HBS1L: variants seen among roughly 807,000 people sequenced by gnomAD.
The protein encoded by HBS1L is HBS1 like translational GTPase.
A neutral mutation model predicts 88.9 loss-of-function variants in HBS1L; 55 were observed. That is an observed-to-expected ratio of 0.62 (90% CI 0.50 to 0.77). The LOEUF is 0.77. Ranked by LOEUF, HBS1L falls within the 30% of genes least tolerant of loss-of-function variation. HBS1L has a pLI of 0.00. For synonymous variants in HBS1L, 267 were observed against 288.5 expected (o/e 0.93, Z 0.76); for missense variants, 741 against 829.3 (o/e 0.89, Z 1.31).
intron 5 of HBS1L, among the ~76,000 whole-genome samples, chr6:135,000,117 G>A (rs1775407979): frequency 1.3e-5 from 2 of 151,810 alleles, no homozygotes; most frequent in African/African-American, 4.8e-5. Flanking sequence ...GGAGCGCAGT[G>A]GTACAATATT....
intron 4 of HBS1L, among the ~76,000 whole-genome samples, chr6:135,003,620 C>A (rs1223204469): frequency 6.7e-6 from 1 of 150,160 alleles, no homozygotes; most frequent in Non-Finnish European, 1.5e-5. Context: ...GTAATCCCAG[C>A]ACTTTGGGAA....
At chr6:135,010,255 C>T (rs545498404) in intron 4 of HBS1L, among the ~76,000 whole-genome samples, 2 of 152,194 alleles carry the variant, frequency 1.3e-5, no homozygotes, top group East Asian at 1.9e-4. Flanking sequence ...ACCTAGTCAT[C>T]GGATATTTCA....
intron 4 of HBS1L, chr6:135,036,499 T>G (rs984001225): frequency 1.4e-6 from 2 of 1,402,258 alleles, no homozygotes; most frequent in Non-Finnish European, 1.9e-6. Context: ...AGTGATCCTC[T>G]GAAGACTTTA....
intron 2 of HBS1L, among the ~76,000 whole-genome samples, chr6:135,047,774 T>C (rs1331053914): frequency 6.6e-6 from 1 of 152,236 alleles, no homozygotes; most frequent in South Asian, 2.1e-4. Flanking sequence ...CTCAGTTCTA[T>C]ATGCCATGCT....
chr6:134,964,954 A>G lies in HBS1L; in HGVS notation c.*325T>C. 1 of 347,706 alleles carries G rather than the reference A, an allele frequency of 2.9e-6. No homozygotes were observed. Among genetic ancestry groups the G allele is most frequent in the Non-Finnish European group, 5.3e-6 (1 of 190,406 alleles). The allele number at this position is 347,706 out of a possible 1,614,324, so 21.5% of individuals were successfully genotyped here. Reference sequence around the variant, plus strand: ...ACTGCAAATACATTGTGCTTTGGCCAGAAGTAGAGTTCATTTCATGATGAT... The same window carrying G: ...ACTGCAAATACATTGTGCTTTGGCCGGAAGTAGAGTTCATTTCATGATGAT... On this transcript the variant is annotated 3_prime_UTR_variant, in exon 18 of 18. Coordinates refer to ENST00000367837, the MANE Select transcript of HBS1L (RefSeq NM_006620.4).
chr6:134,966,205 AAG>A, intron 17 of HBS1L, 122 bp downstream of exon 17: 1 of 783,568 alleles, frequency 1.3e-6, no homozygotes, highest in Non-Finnish European at 1.9e-6. Context: ...TAAAATGAGT[AAG>A]GCTTCTCCTA....
In HBS1L at chr6:134,993,834, G is replaced by A. The variant is rs747448754; in HGVS notation, c.1007C>T (p.Thr336Ile). ...MDVGMTKFET[T>I]TKVITLMDAP... is the part of the protein sequence containing the mutation. The stretch of plus-strand genomic sequence containing the variant: ...ATCCATTAATGTAATAACTTTGGTT[G>A]TGGTTTCAAACTTTGTCATACCAAC... The change falls in exon 8 of 18, where the codon ACA becomes ATA. Residue 336 changes from threonine to isoleucine, a missense_variant. Thr to Ile is a moderately conservative substitution (Grantham distance 89). Around this residue, in one of 3 missense-constraint regions of HBS1L, gnomAD observed 556 missense variants for 598.4 expected, o/e 0.93. Coordinates refer to ENST00000367837, the MANE Select transcript of HBS1L (RefSeq NM_006620.4). 17 of 1,605,830 alleles carry A rather than the reference G, an allele frequency of 1.1e-5. No homozygotes were observed. Among genetic ancestry groups the A allele is most frequent in the Non-Finnish European group, 1.4e-5 (16 of 1,174,592 alleles).
In HBS1L at chr6:134,978,752, A is replaced by G; in HGVS notation, c.1724T>C (p.Ile575Thr). The G allele has an allele frequency of 1.9e-6, 3 of 1,609,426 alleles. No individual in the cohort carries two copies. Among genetic ancestry groups the G allele is most frequent in the Middle Eastern group, 1.7e-4 (1 of 6,042 alleles). ...GGCTCTGAAACGAGTGCAAGCTTTA[A>G]TGGGTACTTTGGGGCCACAAAATAT... The part of the protein sequence containing the change: ...GCIFCGPKVP[I>T]KACTRFRARI... Residue 575 changes from isoleucine to threonine, a missense_variant, in exon 15 of 18, where the codon ATT (isoleucine) becomes ACT (threonine). This residue lies in a region of HBS1L where 181 missense variants were observed against 212.7 expected (regional missense o/e 0.85). Transcript: ENST00000367837.
chr6:135,033,570 T>C (rs1562308648), intron 4 of HBS1L, among the ~76,000 whole-genome samples: 1 of 152,172 alleles, frequency 6.6e-6, no homozygotes, highest in African/African-American at 2.4e-5. Context: ...ATTTAAGGTA[T>C]TGTTGCCTTC....
intron 4 of HBS1L, among the ~76,000 whole-genome samples, chr6:135,034,537 G>T (rs778092824): frequency 1.3e-5 from 2 of 152,128 alleles, no homozygotes; most frequent in Non-Finnish European, 1.5e-5. Flanking sequence ...CCAGCTACTC[G>T]GGGGGCTGAC....
At chr6:135,013,203 G>A (rs1263381981) in intron 4 of HBS1L, among the ~76,000 whole-genome samples, 2 of 152,116 alleles carry the variant, frequency 1.3e-5, no homozygotes, top group Non-Finnish European at 2.9e-5. Flanking sequence ...AAGATGTTAG[G>A]AGAACTGAGA....
chr6:135,052,215 A>T (rs1177495438), intron 1 of HBS1L, among the ~76,000 whole-genome samples: 1 of 152,246 alleles, frequency 6.6e-6, no homozygotes, highest in Non-Finnish European at 1.5e-5. Context: ...ATGATTAAAT[A>T]AATTATTAGA....
intron 5 of HBS1L, among the ~76,000 whole-genome samples, chr6:134,999,448 C>CTTTTCTTTT (rs1775384053): frequency 8.0e-6 from 1 of 124,776 alleles, no homozygotes; most frequent in African/African-American, 3.0e-5. Context: ...TTTTTCTTTT[C>CTTTTCTTTT]TTTTTTTTTT....
chr6:134,987,993 T>C (rs9399130), intron 8 of HBS1L, among the ~76,000 whole-genome samples: 22,223 of 151,530 alleles, frequency 0.15, 1,797 homozygotes, highest in East Asian at 0.28. Flanking sequence ...CAAAGAACAA[T>C]AAAAAAGTCC....
intron 1 of HBS1L, among the ~76,000 whole-genome samples, chr6:135,054,210 C>A (rs1489659249): frequency 6.6e-6 from 1 of 152,234 alleles, no homozygotes; most frequent in Admixed American, 6.5e-5. Context: ...AACACAGGTA[C>A]ACGTCCGTTG....
intron 12 of HBS1L, chr6:134,982,882 C>G: frequency 5.9e-6 from 1 of 170,216 alleles, no homozygotes; most frequent in Non-Finnish European, 1.2e-5. Context: ...AGTCCCTGCC[C>G]ATAAAGATAT....
At chr6:135,008,648 T>C (rs1775679650) in intron 4 of HBS1L, among the ~76,000 whole-genome samples, 1 of 152,164 alleles carries the variant, frequency 6.6e-6, no homozygotes, top group Non-Finnish European at 1.5e-5. Context: ...TCAATGTATA[T>C]TCATTTGTGA....
At chr6:134,966,606 T>C in intron 16 of HBS1L, 133 bp from the exon 17 acceptor site, 2 of 588,242 alleles carry the variant, frequency 3.4e-6, no homozygotes, top group Non-Finnish European at 5.5e-6. Context: ...AAAAATATTT[T>C]TTGAATGAAA....
chr6:135,039,875 C>G (rs1446466740), intron 3 of HBS1L, 108 bp from the exon 4 acceptor site: 1 of 906,440 alleles, frequency 1.1e-6, no homozygotes, highest in Non-Finnish European at 1.6e-6. Context: ...ATATTCAACT[C>G]TCCCTTCTCT....
Sources: allele counts gnomAD v4.1 joint callset (sites outside exome capture counted in the v4.1 genomes callset), GRCh38; gene constraint gnomAD v4.1.1; regional missense constraint gnomAD v4.1.1; transcripts MANE v1.5; gene names NCBI Gene and HGNC (gene_info 2026-07-23, HGNC 2026-07-21).